The following NRG3 variants were observed in gnomAD, a reference collection of about 807,000 sequenced individuals.
NRG3 encodes the protein pro-neuregulin-3, membrane-bound isoform.
Under a neutral mutation model 66.9 loss-of-function variants are expected in NRG3, and 31 were observed. The observed-to-expected ratio is 0.46, with a 90% CI of 0.35 to 0.63. NRG3 has a LOEUF of 0.63. NRG3 is among the 20% of genes least tolerant of loss of function. The probability of loss-of-function intolerance (pLI) is 0.00; values close to 1 mark genes in which losing one functional copy is unlikely to be tolerated. For synonymous variants in NRG3, 393 were observed against 359.4 expected, an observed-to-expected ratio of 1.09 and a Z score of -1.06; for missense variants, 910 against 878.9, an observed-to-expected ratio of 1.04 and a Z score of -0.45.
At chr10:82,686,380 GT>G (rs1247848291) in intron 2 of NRG3, among the ~76,000 whole-genome samples, 1 of 151,928 alleles carries the variant, frequency 6.6e-6, no homozygotes, top group African/African-American at 2.4e-5. Context: ...TAGAGATGGG[GT>G]TTTGCCATGT....
intron 2 of NRG3, among the ~76,000 whole-genome samples, chr10:82,618,137 A>G (rs775458145): frequency 2.6e-5 from 4 of 152,112 alleles, no homozygotes; most frequent in African/African-American, 4.8e-5. Flanking sequence ...TTTGACTGCA[A>G]TTGAGTTTTA....
At chr10:81,959,655 T>G (rs1022062171) in intron 1 of NRG3, among the ~76,000 whole-genome samples, 8 of 152,114 alleles carry the variant, frequency 5.3e-5, no homozygotes, top group African/African-American at 1.9e-4. Flanking sequence ...GTTCTCCAAG[T>G]CTTCCACTTT....
intron 8 of NRG3, among the ~76,000 whole-genome samples, chr10:82,983,412 A>C (rs1042355095): frequency 2.0e-5 from 3 of 152,214 alleles, no homozygotes; most frequent in African/African-American, 7.2e-5. Flanking sequence ...ATATTCCCCA[A>C]GAATTTCCAA....
chr10:82,149,746 G>C (rs1485555419), intron 1 of NRG3, among the ~76,000 whole-genome samples: 1 of 150,558 alleles, frequency 6.6e-6, no homozygotes. Flanking sequence ...TAGAATGTCA[G>C]ACTAATAAAT....
intron 2 of NRG3, among the ~76,000 whole-genome samples, chr10:82,504,218 G>A (rs982292850): frequency 1.3e-5 from 2 of 152,154 alleles, no homozygotes; most frequent in African/African-American, 4.8e-5. Flanking sequence ...TTCTAATGGG[G>A]CACTCATTGA....
At chr10:82,790,722 G>T (rs2060551804) in intron 3 of NRG3, among the ~76,000 whole-genome samples, 1 of 151,904 alleles carries the variant, frequency 6.6e-6, no homozygotes, top group Non-Finnish European at 1.5e-5. Context: ...CAGTGTGATT[G>T]ATGGTACCAC....
At chr10:82,308,175 T>G (rs1201328889) in intron 1 of NRG3, among the ~76,000 whole-genome samples, 12 of 152,174 alleles carry the variant, frequency 7.9e-5, no homozygotes, top group Admixed American at 7.2e-4. Flanking sequence ...ATTGATTGAT[T>G]GACTGATTGA....
At chr10:82,625,487 T>G (rs1042169955) in intron 2 of NRG3, among the ~76,000 whole-genome samples, 2 of 152,126 alleles carry the variant, frequency 1.3e-5, no homozygotes, top group Non-Finnish European at 2.9e-5. Context: ...GTGTAAAACA[T>G]GATATTATAG....
intron 1 of NRG3, among the ~76,000 whole-genome samples, chr10:82,023,251 A>G (rs934514470): frequency 1.3e-5 from 2 of 151,918 alleles, no homozygotes; most frequent in Non-Finnish European, 2.9e-5. Flanking sequence ...CAGTTCTGCT[A>G]GTTTTTTTGG....
intron 3 of NRG3, among the ~76,000 whole-genome samples, chr10:82,793,561 A>G (rs2060676498): frequency 1.3e-5 from 2 of 152,204 alleles, no homozygotes; most frequent in African/African-American, 4.8e-5. Context: ...AAGCCTTCTC[A>G]GATCCAGGTG....
chr10:82,616,573 C>G (rs969728151), intron 2 of NRG3, among the ~76,000 whole-genome samples: 4 of 152,178 alleles, frequency 2.6e-5, no homozygotes, highest in African/African-American at 7.2e-5. Context: ...TATCCCATGT[C>G]CCATCTCAGA....
intron 3 of NRG3, among the ~76,000 whole-genome samples, chr10:82,750,572 G>A (rs968569165): frequency 2.0e-5 from 3 of 152,026 alleles, no homozygotes; most frequent in Non-Finnish European, 4.4e-5. Flanking sequence ...CATGGAATGA[G>A]GACTTAACTG....
intron 1 of NRG3, among the ~76,000 whole-genome samples, chr10:82,317,202 GA>G (rs1432078991): frequency 3.4e-5 from 5 of 146,432 alleles, no homozygotes; most frequent in African/African-American, 5.3e-5. Flanking sequence ...AGGTAGAATA[GA>G]TTTTTTTTTT....
intron 2 of NRG3, among the ~76,000 whole-genome samples, chr10:82,377,453 T>TGCGC (rs544979765): frequency 0.013 from 1,700 of 127,400 alleles, 22 homozygotes; most frequent in Non-Finnish European, 0.016. Context: ...TGTGTGTGTG[T>TGCGC]GTGTGCGCGA....
chr10:82,974,325 C>T (rs772213130), intron 7 of NRG3, among the ~76,000 whole-genome samples: 10 of 152,110 alleles, frequency 6.6e-5, no homozygotes, highest in South Asian at 2.1e-4. Context: ...AAATTTTCCA[C>T]GGGGAAGAAG....
rs561938906 is a variant in NRG3, at chr10:81,882,231, A to G, written c.823+6068A>G. ...TTGGCCTGGTGGCTGTGTCCCTTTC[A>G]CTGTGCAGTGGGCCTCTTTGGTGTG... On this transcript the variant is annotated intron_variant, in intron 1 of 8. Coordinates refer to ENST00000372141, the MANE Select transcript of NRG3 (RefSeq NM_001010848.4). Among the ~76,000 whole-genome samples the G allele has an allele frequency of 9.0e-4, 137 of 152,078 alleles. 1 individual carries two copies. The highest frequency in any genetic ancestry group is 1.5e-3 in the Non-Finnish European group (102 of 68,008).
chr10:82,687,855 T>TA (rs1258438802), intron 2 of NRG3, among the ~76,000 whole-genome samples: 1 of 152,192 alleles, frequency 6.6e-6, no homozygotes, highest in Non-Finnish European at 1.5e-5. Context: ...TTTACTCTCT[T>TA]ACTCTGGTTC....
chr10:82,742,658 AGCCG>A (rs1591380729), intron 3 of NRG3, among the ~76,000 whole-genome samples: 1 of 151,974 alleles, frequency 6.6e-6, no homozygotes, highest in East Asian at 1.9e-4. Context: ...TCTGTGGAGG[AGCCG>A]GCATCAGCTA....
intron 2 of NRG3, among the ~76,000 whole-genome samples, chr10:82,672,794 G>A (rs2053386589): frequency 6.6e-6 from 1 of 152,164 alleles, no homozygotes; most frequent in African/African-American, 2.4e-5. Flanking sequence ...CTGTCTCCTG[G>A]GCTGGAGTGC....
Sources: allele counts gnomAD v4.1 joint callset (sites outside exome capture counted in the v4.1 genomes callset), GRCh38; gene constraint gnomAD v4.1.1; transcripts MANE v1.5; gene names NCBI Gene and HGNC (gene_info 2026-07-23, HGNC 2026-07-21).